Variants in TNIK observed in about 807,000 individuals in gnomAD.
TNIK encodes TRAF2 and NCK interacting kinase, also known as TRAF2 and NCK-interacting protein kinase.
In TNIK, 49 loss-of-function variants were observed where a neutral mutation model predicts 191.3. That is an observed-to-expected ratio of 0.26 (90% CI 0.20 to 0.32). The LOEUF is 0.32. TNIK is among the 10% of genes least tolerant of loss of function. The probability of loss-of-function intolerance (pLI) is 1.00; values close to 1 mark genes in which losing one functional copy is unlikely to be tolerated. For missense variants in TNIK, 1,155 were observed against 1,702.3 expected (o/e 0.68, Z 5.66); for synonymous variants, 594 against 600.9 (o/e 0.99, Z 0.17).
rs192056540 is a variant in TNIK, at chr3:171,213,474, C to T, written c.181-2233G>A. Among the ~76,000 whole-genome samples, 154 of 152,054 alleles carry T rather than the reference C, an allele frequency of 1.0e-3. 1 individual carries two copies. The highest frequency in any genetic ancestry group is 3.6e-3 in the African/African-American group (149 of 41,490). On this transcript the variant is annotated intron_variant, in intron 3 of 32. Transcript: ENST00000436636. Reference sequence around the variant, plus strand: ...TCAGGCTGCTTCTACAAGTATTTACCGCTTGCCTCCTGGATTCTTAGCAGG... The same window carrying T: ...TCAGGCTGCTTCTACAAGTATTTACTGCTTGCCTCCTGGATTCTTAGCAGG...
At chr3:171,143,920 A>C (rs6803585) in intron 12 of TNIK, among the ~76,000 whole-genome samples, 1 of 152,030 alleles carries the variant, frequency 6.6e-6, no homozygotes, top group African/African-American at 2.4e-5. Flanking sequence ...AGAGCCACCT[A>C]CAGTTGGCAC....
intron 2 of TNIK, among the ~76,000 whole-genome samples, chr3:171,329,099 CACAT>C (rs900199575): frequency 6.6e-6 from 1 of 152,148 alleles, no homozygotes; most frequent in Non-Finnish European, 1.5e-5. Context: ...TACACACACA[CACAT>C]ACACACACTC....
intron 22 of TNIK, among the ~76,000 whole-genome samples, chr3:171,101,195 C>T (rs752930411): frequency 2.5e-4 from 38 of 151,770 alleles, no homozygotes; most frequent in Non-Finnish European, 4.3e-4. Context: ...AAAGAGTCGC[C>T]GAAAGGATAG....
At chr3:171,095,146 TATA>T (rs1437641619) in intron 22 of TNIK, among the ~76,000 whole-genome samples, 1 of 152,188 alleles carries the variant, frequency 6.6e-6, no homozygotes, top group African/African-American at 2.4e-5. Context: ...ATGTTTACAG[TATA>T]ATGAGAGAAG....
intron 1 of TNIK, among the ~76,000 whole-genome samples, chr3:171,405,142 CT>C (rs1260870552): frequency 1.3e-5 from 2 of 152,128 alleles, no homozygotes; most frequent in Non-Finnish European, 2.9e-5. Flanking sequence ...CAATGTGTTA[CT>C]TAAGGCCACA....
intron 1 of TNIK, among the ~76,000 whole-genome samples, chr3:171,428,488 T>G (rs2108652338): frequency 6.6e-6 from 1 of 152,096 alleles, no homozygotes; most frequent in Admixed American, 6.5e-5. Flanking sequence ...CCAAAGGTCT[T>G]CCTCACTTTA....
chr3:171,143,207 A>T (rs1430487206), intron 12 of TNIK, among the ~76,000 whole-genome samples: 2 of 152,076 alleles, frequency 1.3e-5, no homozygotes, highest in Non-Finnish European at 2.9e-5. Context: ...CGCTTTCCCA[A>T]CCTTCTGAGG....
chr3:171,210,637 C>T (rs1171890669), intron 4 of TNIK, among the ~76,000 whole-genome samples: 2 of 152,104 alleles, frequency 1.3e-5, no homozygotes, highest in African/African-American at 2.4e-5. Flanking sequence ...GACAGAGAAT[C>T]GCATAGAGCT....
At chr3:171,372,384 G>A (rs940419716) in intron 1 of TNIK, among the ~76,000 whole-genome samples, 2 of 152,182 alleles carry the variant, frequency 1.3e-5, no homozygotes, top group African/African-American at 4.8e-5. Context: ...GGGTTCCCCA[G>A]GAATAAAACC....
chr3:171,177,240 T>TAA (rs1560220237), intron 8 of TNIK, 86 bp downstream of exon 8: 1 of 1,439,606 alleles, frequency 6.9e-7, no homozygotes, highest in African/African-American at 1.4e-5. Context: ...GTAGTGGAAG[T>TAA]AAAGCAACTG....
chr3:171,307,391 T>C (rs1197448324), intron 2 of TNIK, among the ~76,000 whole-genome samples: 6 of 152,292 alleles, frequency 3.9e-5, no homozygotes, highest in Admixed American at 3.3e-4. Context: ...GCACACACAT[T>C]CCATGTTCAC....
rs774723546 is a variant in TNIK, at chr3:171,138,370, G to A, written c.1429C>T (p.Arg477Cys). 15 of 1,597,038 alleles carry A rather than the reference G, an allele frequency of 9.4e-6. No individual in the cohort carries two copies. The highest frequency in any genetic ancestry group is 2.7e-5 in the African/African-American group (2 of 74,020). The change falls in exon 15 of 33, where the codon CGC (arginine) becomes TGC (cysteine). Residue 477 changes from arginine to cysteine, a missense_variant. Coordinates refer to ENST00000436636, the MANE Select transcript of TNIK (RefSeq NM_015028.4). ...TGTCTCTGTTCTTCCAATTGTTTGC[G>A]CTTATATTCCTGTCCAGATCAGGAA... ...HEQALLLEYK[R>C]KQLEEQRQAE...
At chr3:171,265,617 A>C (rs1422967489) in intron 2 of TNIK, among the ~76,000 whole-genome samples, 1 of 152,240 alleles carries the variant, frequency 6.6e-6, no homozygotes, top group Admixed American at 6.5e-5. Flanking sequence ...GCTACCAACA[A>C]AATACATATG....
intron 18 of TNIK, among the ~76,000 whole-genome samples, chr3:171,116,620 G>A (rs1232427660): frequency 6.6e-6 from 1 of 152,196 alleles, no homozygotes; most frequent in Admixed American, 6.5e-5. Context: ...GAGAAGAAAT[G>A]AGTCATAAGA....
chr3:171,259,829 G>C (rs184679023), intron 2 of TNIK, among the ~76,000 whole-genome samples: 1 of 152,238 alleles, frequency 6.6e-6, no homozygotes, highest in African/African-American at 2.4e-5. Flanking sequence ...CTCTTCAAGA[G>C]ATCCATTACA....
At chr3:171,358,206 C>T (rs184211256) in intron 2 of TNIK, among the ~76,000 whole-genome samples, 2 of 152,292 alleles carry the variant, frequency 1.3e-5, no homozygotes, top group Non-Finnish European at 2.9e-5. Context: ...ACAGCCCAGA[C>T]ATTTTAATAT....
chr3:171,443,685 G>A (rs1727124405), intron 1 of TNIK, among the ~76,000 whole-genome samples: 1 of 151,986 alleles, frequency 6.6e-6, no homozygotes, highest in South Asian at 2.1e-4. Flanking sequence ...AAATTAGCTG[G>A]GTGTGGTAGC....
In TNIK at chr3:171,060,947, T is replaced by C. The variant is rs1717760390; in HGVS notation, c.*2934A>G. Among the ~76,000 whole-genome samples, 1 of 152,100 alleles carries C rather than the reference T, an allele frequency of 6.6e-6. No individual in the cohort carries two copies. Among genetic ancestry groups the C allele is most frequent in the East Asian group, 1.9e-4 (1 of 5,196 alleles). On this transcript the variant is annotated 3_prime_UTR_variant, in exon 33 of 33. Coordinates refer to ENST00000436636, the MANE Select transcript of TNIK (RefSeq NM_015028.4). ...AGGGCTCAGTTTCTCCAGTTTCTCTTTGTAGGAAAATAAAAATAAAATGAG... is the reference window on the plus strand; with the variant it reads ...AGGGCTCAGTTTCTCCAGTTTCTCTCTGTAGGAAAATAAAAATAAAATGAG...
chr3:171,168,119 C>T (rs760907377), intron 9 of TNIK, among the ~76,000 whole-genome samples: 1 of 152,196 alleles, frequency 6.6e-6, no homozygotes, highest in African/African-American at 2.4e-5. Context: ...AGTAAGGCCA[C>T]AATGTGGCAG....
Sources: gnomAD v4.1 joint callset for allele counts (sites outside exome capture counted in the v4.1 genomes callset) on GRCh38, gnomAD v4.1.1 for gene constraint, MANE v1.5 for transcripts, NCBI Gene and HGNC (gene_info 2026-07-23, HGNC 2026-07-21) for gene names.